The following HYDIN variants were observed in gnomAD, a reference collection of about 807,000 sequenced individuals.
HYDIN encodes the protein HYDIN axonemal central pair apparatus protein.
Under a neutral mutation model 403.9 loss-of-function variants are expected in HYDIN, and 132 were observed. That is an observed-to-expected ratio of 0.33 (90% confidence interval 0.28 to 0.38). The LOEUF (loss-of-function observed/expected upper bound fraction) is 0.38. Among genes scored for constraint, HYDIN ranks in the 10% least tolerant of loss-of-function variants. HYDIN has a pLI of 1.00. For synonymous variants in HYDIN, 1,202 were observed against 1,891.7 expected, an observed-to-expected ratio of 0.64 and a Z score of 9.46; for missense variants, 2,827 against 5,009.5, an observed-to-expected ratio of 0.56 and a Z score of 13.15.
Position 70,829,823 on chromosome 16 carries a change from T to C in HYDIN, c.13907A>G (p.Asn4636Ser). 2 of 1,613,922 alleles carry C rather than the reference T, an allele frequency of 1.2e-6. No homozygotes were observed. The highest frequency in any genetic ancestry group is 1.7e-6 in the Non-Finnish European group (2 of 1,179,842). ...VGPPAVKEVV[N>S]FTCQVRSKHT... ...CTTGGAGCGCACCTGGCACGTGAAA[T>C]TCACTACCTGGAAGAAAGCAGGCAC... The change falls in exon 81 of 86, where the codon AAT becomes AGT. Residue 4636 changes from asparagine (N) to serine (S), a missense_variant. Asn to Ser is a conservative substitution (Grantham distance 46). Transcript: ENST00000393567.
At chr16:70,823,659 A>G (rs2036404130) in intron 83 of HYDIN, among the ~76,000 whole-genome samples, 1 of 152,174 alleles carries the variant, frequency 6.6e-6, no homozygotes, top group South Asian at 2.1e-4. Flanking sequence ...TCCTTTAACA[A>G]CCACATAGCA....
intron 70 of HYDIN, 107 bp from the exon 71 acceptor site, chr16:70,860,313 G>A: frequency 1.7e-6 from 2 of 1,189,870 alleles, no homozygotes; most frequent in Non-Finnish European, 2.4e-6. Context: ...CTGGGAAGCA[G>A]AACTGTTCAG....
intron 5 of HYDIN, among the ~76,000 whole-genome samples, chr16:71,172,084 T>G (rs1042496096): frequency 1.3e-5 from 2 of 152,234 alleles, no homozygotes; most frequent in African/African-American, 4.8e-5. Context: ...CAATATAGTT[T>G]TATTATTATT....
intron 72 of HYDIN, among the ~76,000 whole-genome samples, chr16:70,855,784 A>G (rs563763426): frequency 1.3e-5 from 2 of 152,396 alleles, no homozygotes; most frequent in African/African-American, 4.8e-5. Flanking sequence ...TTTCCCACAT[A>G]AACTTTAGAA....
At chr16:71,174,895 A>G (rs1001626101) in intron 5 of HYDIN, among the ~76,000 whole-genome samples, 4 of 152,176 alleles carry the variant, frequency 2.6e-5, no homozygotes, top group African/African-American at 9.7e-5. Flanking sequence ...TATTATCTCT[A>G]TGTTTGAGTC....
chr16:71,192,452 C>T (rs1416584405), intron 1 of HYDIN, among the ~76,000 whole-genome samples: 2 of 152,188 alleles, frequency 1.3e-5, no homozygotes, highest in African/African-American at 2.4e-5. Flanking sequence ...ACACTCTCCA[C>T]ACTCCTTAGC....
chr16:70,920,598 C>T lies in HYDIN; in HGVS notation c.7778G>A (p.Gly2593Glu). 2 of 1,612,284 alleles carry T rather than the reference C, an allele frequency of 1.2e-6. No individual in the cohort carries two copies. The highest frequency in any genetic ancestry group is 8.5e-7 in the Non-Finnish European group (1 of 1,179,020). ...QALESDKLPK[G>E]EQILDILGLG... is the part of the protein sequence containing the mutation. The stretch of plus-strand genomic sequence containing the variant: ...CTGGAGGAGAGTCCATACCTGCTCT[C>T]CTTTGGGAAGCTTGTCGCTCTCTAG... Residue 2593 changes from glycine to glutamate, a missense_variant, in exon 46 of 86, where the codon GGA (glycine) becomes GAA (glutamate). Transcript: ENST00000393567.
Position 70,865,206 on chromosome 16 carries a change from C to T in HYDIN, c.11471+963G>A, listed in dbSNP as rs1186359416. 7 of 377,772 alleles carry T rather than the reference C, an allele frequency of 1.9e-5. No individual in the cohort carries two copies. In the East Asian group the frequency reaches 5.3e-4, roughly 29 times the overall value. 23.4% of individuals were successfully genotyped at this position (377,772 alleles called of 1,614,324 possible). On this transcript the variant is annotated intron_variant, in intron 67 of 85. Coordinates refer to ENST00000393567, the MANE Select transcript of HYDIN (RefSeq NM_001270974.2). ...GCTTCTTCACTTGGCTACCCCCATT[C>T]TCACTTCTTTCACTCTCACTTTGTT...
intron 78 of HYDIN, among the ~76,000 whole-genome samples, chr16:70,834,937 T>A (rs569624583): frequency 6.8e-6 from 1 of 147,612 alleles, no homozygotes; most frequent in African/African-American, 2.5e-5. Context: ...TATGTATATA[T>A]ACACACATAT....
chr16:71,210,529 G>A (rs544085025), intron 1 of HYDIN, among the ~76,000 whole-genome samples: 1 of 151,898 alleles, frequency 6.6e-6, no homozygotes, highest in Non-Finnish European at 1.5e-5. Flanking sequence ...AGGAGTGAGA[G>A]GTTCAGAAAA....
intron 1 of HYDIN, among the ~76,000 whole-genome samples, chr16:71,218,566 C>T (rs766818762): frequency 3.3e-5 from 5 of 152,148 alleles, no homozygotes; most frequent in African/African-American, 4.8e-5. Context: ...GATGTAAAAA[C>T]GCAAATGATT....
chr16:71,030,748 T>C (rs1214018137), intron 19 of HYDIN, among the ~76,000 whole-genome samples: 1 of 152,228 alleles, frequency 6.6e-6, no homozygotes, highest in Non-Finnish European at 1.5e-5. Flanking sequence ...GATTTTTATG[T>C]CCACATTTAG....
At position 70,964,771 on chromosome 16, in the gene HYDIN, C is replaced by A; in HGVS notation, c.5745G>T (p.Glu1915Asp). 6.3e-7 allele frequency: 1 copy of A among 1,589,952 alleles called. No individual in the cohort carries two copies. ...TCTCCAGATATTTCGCCCTCATCTG[C>A]TCCTCTTTTGACTTCTTTATCTCTT... Reference protein sequence around the residue: ...YFKEIKKSKEEQMRAKYLENL... With the variant: ...YFKEIKKSKEDQMRAKYLENL... Residue 1915 changes from glutamate to aspartate, a missense_variant, in exon 37 of 86, where the codon GAG becomes GAT. Transcript: ENST00000393567.
chr16:70,877,523 G>C (rs1260834090), intron 62 of HYDIN, among the ~76,000 whole-genome samples: 5 of 152,216 alleles, frequency 3.3e-5, no homozygotes, highest in Non-Finnish European at 5.9e-5. Flanking sequence ...ATTTTTCCAT[G>C]GACCAGGCAA....
At chr16:71,079,115 T>C (rs1335380214) in intron 13 of HYDIN, among the ~76,000 whole-genome samples, 3 of 151,724 alleles carry the variant, frequency 2.0e-5, no homozygotes, top group Non-Finnish European at 4.4e-5. Context: ...GTATGACGGC[T>C]AAGGTTAGGG....
At position 71,046,437 on chromosome 16, in the gene HYDIN, A is replaced by ATGT. The variant is rs2081449976; in HGVS notation, c.2529+14064_2529+14066dup. On this transcript the variant is annotated intron_variant, in intron 18 of 85. Coordinates refer to ENST00000393567, the MANE Select transcript of HYDIN (RefSeq NM_001270974.2). ...ACATGATCATGTCTGCCCTCATATA[A>ATGT]TGTTGCCCTTCCCTCCCGGATGCAT... is the stretch of plus-strand genomic sequence containing the variant. 2.0e-5 allele frequency among the ~76,000 whole-genome samples: 3 copies of ATGT among 152,044 alleles called. No individual in the cohort carries two copies. In the South Asian group the frequency reaches 6.2e-4, roughly 32 times the overall value.
chr16:70,807,631 C>T lies in HYDIN; in HGVS notation c.15315G>A (p.Gly5105=), dbSNP rs377630084. The T allele has an allele frequency of 1.1e-4, 180 of 1,614,004 alleles. No individual in the cohort carries two copies. The highest frequency in any genetic ancestry group is 1.4e-4 in the Non-Finnish European group (171 of 1,180,002). ...KLTVSCPPGE[G]SETGVKWVYY... ...AAACCCATTTAACTCCAGTCTCACT[C>T]CCTTCACCAGGAGGGCAGCTCACAG... Residue 5105 remains glycine (G), a synonymous_variant, in exon 86 of 86, where the codon GGG becomes GGA. Coordinates refer to ENST00000393567, the MANE Select transcript of HYDIN (RefSeq NM_001270974.2).
intron 55 of HYDIN, among the ~76,000 whole-genome samples, chr16:70,893,016 C>T (rs2143724023): frequency 6.6e-6 from 1 of 152,290 alleles, no homozygotes; most frequent in Admixed American, 6.5e-5. Context: ...GAAGCTGGCT[C>T]ATGAGACCGG....
intron 47 of HYDIN, among the ~76,000 whole-genome samples, chr16:70,909,516 TA>T (rs67210766): frequency 0.45 from 66,353 of 148,908 alleles, 17,543 homozygotes; most frequent in Non-Finnish European, 0.6. Context: ...CATTTGAAGA[TA>T]CCTTGCAGAC....
Sources: allele counts gnomAD v4.1 joint callset (sites outside exome capture counted in the v4.1 genomes callset), GRCh38; gene constraint gnomAD v4.1.1; transcripts MANE v1.5; gene names NCBI Gene and HGNC (gene_info 2026-07-23, HGNC 2026-07-21).